Variants in METTL15 observed in about 807,000 individuals in gnomAD.
METTL15 encodes the protein 12S rRNA N(4)-cytidine methyltransferase METTL15.
A neutral mutation model predicts 38.3 loss-of-function variants in METTL15; 34 were observed. The ratio of observed to expected loss-of-function variants is 0.89; its 90% CI spans 0.68 to 1.18. METTL15 has a LOEUF of 1.18. Among genes scored for constraint, METTL15 ranks in the 50% most tolerant of loss-of-function variants. The pLI is 0.00. For missense variants in METTL15, 438 were observed against 498.4 expected (o/e 0.88, Z 1.15); for synonymous variants, 162 against 170.9 (o/e 0.95, Z 0.41).
chr11:28,502,289 T>G (rs945945013), intron 6 of METTL15, among the ~76,000 whole-genome samples: 11 of 152,168 alleles, frequency 7.2e-5, no homozygotes, highest in Non-Finnish European at 4.4e-5. Flanking sequence ...AGCAAACCTT[T>G]TCTACAAAGA....
intron 4 of METTL15, among the ~76,000 whole-genome samples, chr11:28,234,331 G>T (rs1317939210): frequency 2.6e-5 from 4 of 151,470 alleles, no homozygotes; most frequent in Non-Finnish European, 4.4e-5. Flanking sequence ...GTAATGGGAT[G>T]GCTGGCTCAA....
Position 28,391,835 on chromosome 11 carries a change from A to T in METTL15, c.*358+29799A>T, listed in dbSNP as rs142283424. 4.6e-5 allele frequency among the ~76,000 whole-genome samples: 7 copies of T among 152,328 alleles called. No homozygotes were observed. The East Asian group carries it at 1.3e-3, about 29-fold the overall frequency. ...TAATTCAAGATGGGTTAAAGACTTA[A>T]ATGTTAGACCTGAAACCATAAAAAC... On this transcript the variant is annotated intron_variant and NMD_transcript_variant, in intron 5 of 7. Transcript: ENST00000532947.
At chr11:28,237,843 T>A (rs1034981698) in intron 4 of METTL15, among the ~76,000 whole-genome samples, 21 of 152,178 alleles carry the variant, frequency 1.4e-4, no homozygotes, top group African/African-American at 5.1e-4. Flanking sequence ...CAGCTGCAGG[T>A]CTGTTGGAGT....
chr11:28,112,803 G>A lies in METTL15; in HGVS notation c.-17-515G>A, dbSNP rs1204420545. Among the ~76,000 whole-genome samples, 8 of 152,220 alleles carry A rather than the reference G, an allele frequency of 5.3e-5. No individual in the cohort carries two copies. In the East Asian group the frequency reaches 5.8e-4, roughly 11 times the overall value. On this transcript the variant is annotated intron_variant, in intron 2 of 6. Transcript: ENST00000407364. ...TTTTTTATTTTTTGGATGTGCATGC[G>A]TAGTCTTTTCCCAGGGATAGTCTCT...
chr11:28,400,579 C>T (rs1038708351), intron 5 of METTL15, among the ~76,000 whole-genome samples: 13 of 151,904 alleles, frequency 8.6e-5, no homozygotes, highest in African/African-American at 2.9e-4. Flanking sequence ...CTGAGTTCCC[C>T]CCATCCCTCA....
chr11:28,145,358 A>G (rs936407904), intron 3 of METTL15: 9 of 152,068 alleles, frequency 5.9e-5, no homozygotes. Flanking sequence ...GTCATCTCAG[A>G]ATTTTTTAAA....
chr11:28,143,985 T>C (rs368150871), intron 3 of METTL15, among the ~76,000 whole-genome samples: 6 of 152,264 alleles, frequency 3.9e-5, no homozygotes, highest in African/African-American at 1.4e-4. Context: ...TAGGTTCTGC[T>C]CCAGCAGGCA....
downstream of METTL15, among the ~76,000 whole-genome samples, chr11:28,527,399 T>G (rs571238770): frequency 1.4e-4 from 22 of 152,214 alleles, no homozygotes; most frequent in Non-Finnish European, 2.2e-4. Context: ...CTTTGTAATA[T>G]GACATTAATT....
chr11:28,343,810 T>TA (rs1037089332), intron 3 of METTL15, among the ~76,000 whole-genome samples: 1 of 152,052 alleles, frequency 6.6e-6, no homozygotes, highest in Non-Finnish European at 1.5e-5. Flanking sequence ...GGCAATAGAG[T>TA]AAAAAAAGTG....
intron 5 of METTL15, among the ~76,000 whole-genome samples, chr11:28,373,984 G>A (rs553656977): frequency 0.014 from 2,188 of 152,052 alleles, 29 homozygotes; most frequent in African/African-American, 0.04. Context: ...GTAGTTATGC[G>A]GCGTTATTTC....
At chr11:28,505,261 A>G (rs1009546019) in intron 6 of METTL15, among the ~76,000 whole-genome samples, 1 of 152,176 alleles carries the variant, frequency 6.6e-6, no homozygotes, top group African/African-American at 2.4e-5. Flanking sequence ...AAATTCTCAA[A>G]TAGGTTTGCC....
intron 4 of METTL15, among the ~76,000 whole-genome samples, chr11:28,227,660 G>A (rs957363267): frequency 8.6e-5 from 13 of 151,900 alleles, no homozygotes; most frequent in African/African-American, 3.1e-4. Flanking sequence ...TAGGGATTTT[G>A]GACTTCACCT....
intron 6 of METTL15, among the ~76,000 whole-genome samples, chr11:28,505,948 A>C (rs772732007): frequency 6.6e-6 from 1 of 152,180 alleles, no homozygotes; most frequent in Non-Finnish European, 1.5e-5. Context: ...CTGTAAAGGC[A>C]AGGTATAGTT....
rs1280273340 is a variant in METTL15, at chr11:28,488,334, T to G, written c.*425-38144T>G. On this transcript the variant is annotated intron_variant and NMD_transcript_variant, in intron 6 of 7. Coordinates refer to the METTL15 transcript ENST00000532947. ...TAACAAATTCCTAAAATCCTGTTGC[T>G]GTTTTTTTTCTATTCTTATATTTAT... Among the ~76,000 whole-genome samples, 3 of 152,164 alleles carry G rather than the reference T, an allele frequency of 2.0e-5. No individual in the cohort carries two copies. The East Asian group carries it at 5.8e-4, about 29-fold the overall frequency.
At chr11:28,392,679 T>G (rs1850523853) in intron 5 of METTL15, among the ~76,000 whole-genome samples, 1 of 151,970 alleles carries the variant, frequency 6.6e-6, no homozygotes, top group Admixed American at 6.6e-5. Context: ...ACTTAAAAAG[T>G]TTTGCACATC....
chr11:28,377,597 G>T (rs1019090920), intron 5 of METTL15, among the ~76,000 whole-genome samples: 1 of 151,620 alleles, frequency 6.6e-6, no homozygotes, highest in African/African-American at 2.4e-5. Flanking sequence ...CTTTGCCTTT[G>T]GTTTGAATGT....
At chr11:28,224,606 C>T (rs904822896) in intron 4 of METTL15, among the ~76,000 whole-genome samples, 1 of 151,914 alleles carries the variant, frequency 6.6e-6, no homozygotes, top group Middle Eastern at 3.4e-3. Flanking sequence ...ATTATCAGCA[C>T]ATTCCTCTTT....
intron 5 of METTL15, among the ~76,000 whole-genome samples, chr11:28,381,982 CTA>C (rs1162942160): frequency 2.0e-5 from 3 of 151,858 alleles, no homozygotes; most frequent in Non-Finnish European, 2.9e-5. Flanking sequence ...TCCAAATCTT[CTA>C]TGTCAGACTT....
chr11:28,174,353 A>G lies in METTL15; in HGVS notation c.271-36709A>G, dbSNP rs368764105. Among the ~76,000 whole-genome samples the G allele has an allele frequency of 6.6e-5, 10 of 152,268 alleles. No individual in the cohort carries two copies. In the East Asian group the frequency reaches 1.3e-3, roughly 21 times the overall value. ...ATTATAACCAAGGTTTTCCCACTGC[A>G]TTTTATTATAACCAAGGTTTATCTA... On this transcript the variant is annotated intron_variant, in intron 3 of 6. Transcript: ENST00000407364.
Sources: gnomAD v4.1 joint callset for allele counts (sites outside exome capture counted in the v4.1 genomes callset) on GRCh38, gnomAD v4.1.1 for gene constraint, MANE v1.5 for transcripts, NCBI Gene and HGNC (gene_info 2026-07-23, HGNC 2026-07-21) for gene names.